C1QTNF3: variants seen among roughly 807,000 people sequenced by gnomAD.
C1QTNF3 encodes the protein complement C1q tumor necrosis factor-related protein 3.
Under a neutral mutation model 32.6 loss-of-function variants are expected in C1QTNF3, and 26 were observed. The ratio of observed to expected loss-of-function variants is 0.80; its 90% confidence interval spans 0.58 to 1.11. C1QTNF3 has a LOEUF of 1.11. Ranked by LOEUF, C1QTNF3 falls within the 50% of genes least tolerant of loss-of-function variation. The pLI, the probability that C1QTNF3 is intolerant of heterozygous loss-of-function variation, is 0.00. For synonymous variants in C1QTNF3, 155 were observed against 146.0 expected, an observed-to-expected ratio of 1.06 and a Z score of -0.44; for missense variants, 362 against 398.2, an observed-to-expected ratio of 0.91 and a Z score of 0.77.
the C1QTNF3 span, among the ~76,000 whole-genome samples, chr5:34,223,661 C>T: frequency 6.6e-6 from 1 of 151,976 alleles, no homozygotes; most frequent in Non-Finnish European, 1.5e-5. Flanking sequence ...TCCTATTTCT[C>T]CACATCCTCT....
At chr5:34,206,908 TG>T in the C1QTNF3 span, among the ~76,000 whole-genome samples, 1 of 152,240 alleles carries the variant, frequency 6.6e-6, no homozygotes. Context: ...GTTTTATTTT[TG>T]TGTTTTTCTC....
chr5:34,223,604 C>T, the C1QTNF3 span, among the ~76,000 whole-genome samples: 7 of 151,980 alleles, frequency 4.6e-5, no homozygotes, highest in South Asian at 4.2e-4. Flanking sequence ...CACTGACTTC[C>T]ACAATGGTCG....
chr5:34,055,409 T>C, the C1QTNF3 span, among the ~76,000 whole-genome samples: 2 of 152,298 alleles, frequency 1.3e-5, no homozygotes, highest in East Asian at 1.9e-4. Flanking sequence ...GAAAAGTATA[T>C]AGATACTGCA....
At chr5:34,202,802 G>GT in the C1QTNF3 span, among the ~76,000 whole-genome samples, 78 of 147,142 alleles carry the variant, frequency 5.3e-4, no homozygotes, top group East Asian at 7.7e-3. Context: ...ACAGTTTTTT[G>GT]TTTTTTTTTT....
At chr5:34,207,098 T>C in the C1QTNF3 span, among the ~76,000 whole-genome samples, 1 of 152,080 alleles carries the variant, frequency 6.6e-6, no homozygotes, top group Non-Finnish European at 1.5e-5. Flanking sequence ...AGTTTGAACA[T>C]ATTTGCATCT....
chr5:34,065,921 A>G, the C1QTNF3 span, among the ~76,000 whole-genome samples: 1 of 152,336 alleles, frequency 6.6e-6, no homozygotes, highest in Non-Finnish European at 1.5e-5. Flanking sequence ...AAAGACGTGG[A>G]ATCAACCTAG....
At chr5:34,042,433 G>C (rs991295761) in intron 1 of C1QTNF3, among the ~76,000 whole-genome samples, 1 of 152,114 alleles carries the variant, frequency 6.6e-6, no homozygotes, top group African/African-American at 2.4e-5. Context: ...GATGAAGAAA[G>C]CCCAATTCTC....
the C1QTNF3 span, among the ~76,000 whole-genome samples, chr5:34,178,290 G>C: frequency 6.6e-6 from 1 of 152,104 alleles, no homozygotes; most frequent in Non-Finnish European, 1.5e-5. Context: ...AAAGGAGAAA[G>C]AATTCAGAGC....
the C1QTNF3 span, among the ~76,000 whole-genome samples, chr5:34,076,399 C>T: frequency 4.0e-5 from 6 of 151,396 alleles, no homozygotes; most frequent in African/African-American, 1.5e-4. Flanking sequence ...TCCTTTAAAC[C>T]TTTCTTTTCT....
chr5:34,033,298 G>A lies in C1QTNF3; in HGVS notation c.570+6C>T. 2.5e-6 allele frequency: 4 copies of A among 1,613,576 alleles called. No individual in the cohort carries two copies. Among genetic ancestry groups the A allele is most frequent in the Non-Finnish European group, 3.4e-6 (4 of 1,179,832 alleles). On this transcript the variant is annotated splice_donor_region_variant and intron_variant, in intron 3 of 5. Transcript: ENST00000382065. The stretch of plus-strand genomic sequence containing the variant: ...GCCACCAGGAGATGTACCGAGGATG[G>A]TTTACCTGAAGTTCTGGTGGAATCC...
chr5:34,218,762 G>A, the C1QTNF3 span, among the ~76,000 whole-genome samples: 1 of 152,076 alleles, frequency 6.6e-6, no homozygotes, highest in Non-Finnish European at 1.5e-5. Context: ...CACTGCCCAT[G>A]CTGTGTGACC....
chr5:34,112,331 A>C, the C1QTNF3 span, among the ~76,000 whole-genome samples: 1 of 152,096 alleles, frequency 6.6e-6, no homozygotes, highest in African/African-American at 2.4e-5. Context: ...AGATCTGAGG[A>C]GCTGCCAACA....
chr5:34,194,950 G>A, the C1QTNF3 span, among the ~76,000 whole-genome samples: 1 of 150,408 alleles, frequency 6.6e-6, no homozygotes, highest in African/African-American at 2.5e-5. Context: ...GTCTTTACAT[G>A]TTCAGTACAG....
chr5:34,134,952 C>A, the C1QTNF3 span, among the ~76,000 whole-genome samples: 2 of 152,148 alleles, frequency 1.3e-5, no homozygotes, highest in African/African-American at 2.4e-5. Context: ...GAACTTCCAA[C>A]ACCATGTTAA....
At chr5:34,230,432 G>GC in the C1QTNF3 span, among the ~76,000 whole-genome samples, 1 of 151,970 alleles carries the variant, frequency 6.6e-6, no homozygotes, top group Non-Finnish European at 1.5e-5. Flanking sequence ...GTTTCATGAT[G>GC]GTCAATGATA....
chr5:34,110,835 A>G, the C1QTNF3 span, among the ~76,000 whole-genome samples: 1 of 152,138 alleles, frequency 6.6e-6, no homozygotes, highest in Non-Finnish European at 1.5e-5. Context: ...GAAGCACTGC[A>G]GTTTTCATAG....
chr5:34,243,542 T>C, the C1QTNF3 span, among the ~76,000 whole-genome samples: 1 of 152,206 alleles, frequency 6.6e-6, no homozygotes, highest in African/African-American at 2.4e-5. Context: ...TTATTCACAA[T>C]AGCACAGACA....
At chr5:34,021,494 A>G (rs1754328072) in intron 5 of C1QTNF3, among the ~76,000 whole-genome samples, 2 of 152,262 alleles carry the variant, frequency 1.3e-5, no homozygotes, top group Admixed American at 1.3e-4. Flanking sequence ...AGGGCCTAAC[A>G]AGGTTAAAAA....
chr5:34,213,482 C>T, the C1QTNF3 span, among the ~76,000 whole-genome samples: 2 of 151,528 alleles, frequency 1.3e-5, no homozygotes, highest in African/African-American at 4.8e-5. Flanking sequence ...CTATATGCTA[C>T]ATTTGGATTA....
Sources: allele counts gnomAD v4.1 joint callset (sites outside exome capture counted in the v4.1 genomes callset), GRCh38; gene constraint gnomAD v4.1.1; transcripts MANE v1.5; gene names NCBI Gene and HGNC (gene_info 2026-07-23, HGNC 2026-07-21).